Variants in VDAC2 observed in about 807,000 individuals in gnomAD.
VDAC2 encodes the protein voltage dependent anion channel 2.
Under a neutral mutation model 36.6 loss-of-function variants are expected in VDAC2, and 6 were observed. The observed-to-expected ratio is 0.16, with a 90% CI of 0.09 to 0.32. VDAC2 has a LOEUF of 0.32. VDAC2 is among the 10% of genes least tolerant of loss of function. VDAC2 has a pLI of 1.00. For synonymous variants in VDAC2, 109 were observed against 123.8 expected, an observed-to-expected ratio of 0.88 and a Z score of 0.79; for missense variants, 247 against 346.0, an observed-to-expected ratio of 0.71 and a Z score of 2.27.
intron 4 of VDAC2, among the ~76,000 whole-genome samples, chr10:75,214,556 A>C: frequency 6.6e-6 from 1 of 151,686 alleles, no homozygotes; most frequent in East Asian, 1.9e-4. Context: ...ACGGAGTCTC[A>C]CTGTGTCACT....
In VDAC2 at chr10:75,220,791, C is replaced by T. The variant is rs199505540; in HGVS notation, c.405C>T (p.Asn135=). The change falls in exon 7 of 10, where the codon AAC becomes AAT. Residue 135 remains asparagine, a synonymous_variant. Transcript: ENST00000332211. The stretch of plus-strand genomic sequence containing the variant: ...CTTCTTACAAGAGGGAGTGTATAAA[C>T]CTTGGTTGTGATGTTGACTTTGATT... ...IKSSYKRECI[N]LGCDVDFDFA... 109 of 1,612,796 alleles carry T rather than the reference C, an allele frequency of 6.8e-5. No individual in the cohort carries two copies. In the East Asian group the frequency reaches 8.9e-4, roughly 13 times the overall value.
At chr10:75,215,817 G>A (rs755128439) in intron 4 of VDAC2, among the ~76,000 whole-genome samples, 2 of 152,002 alleles carry the variant, frequency 1.3e-5, no homozygotes, top group Non-Finnish European at 1.5e-5. Context: ...CACCTCCCAG[G>A]TTCAAGTGAT....
At position 75,224,747 on chromosome 10, in the gene VDAC2, C is replaced by G. The variant is rs377467283; in HGVS notation, c.735+2345C>G. Among the ~76,000 whole-genome samples, 42 of 152,300 alleles carry G rather than the reference C, an allele frequency of 2.8e-4. 1 individual carries two copies. The South Asian group carries it at 8.3e-3, about 30-fold the overall frequency. Reference sequence around the variant, plus strand: ...TTCATTTGGTTTAAGCCTTGGCCACCAGCCTCAAAGCCACCTTGCAAGGGT... The same window carrying G: ...TTCATTTGGTTTAAGCCTTGGCCACGAGCCTCAAAGCCACCTTGCAAGGGT... On this transcript the variant is annotated intron_variant, in intron 8 of 9. Transcript: ENST00000332211.
At chr10:75,226,572 C>T (rs530958334) in intron 8 of VDAC2, among the ~76,000 whole-genome samples, 14 of 150,524 alleles carry the variant, frequency 9.3e-5, no homozygotes, top group African/African-American at 2.4e-4. Flanking sequence ...AAGCAGTTCT[C>T]GTGCCTCAGC....
At chr10:75,217,796 AGC>A in intron 4 of VDAC2, 1 of 712,420 alleles carries the variant, frequency 1.4e-6, no homozygotes, top group South Asian at 1.8e-5. Flanking sequence ...CTAACAGCAG[AGC>A]AATAGTTATA....
chr10:75,220,657 G>A (rs1841784453), intron 6 of VDAC2, 86 bp from the exon 7 acceptor site: 9 of 1,131,596 alleles, frequency 8.0e-6, no homozygotes, highest in Non-Finnish European at 1.1e-5. Context: ...TGGTCATACT[G>A]CAGTTTATTT....
chr10:75,217,336 C>T (rs1329107064), intron 4 of VDAC2, among the ~76,000 whole-genome samples: 1 of 152,104 alleles, frequency 6.6e-6, no homozygotes. Flanking sequence ...CATCAGAACT[C>T]CTAATTTTTA....
At chr10:75,227,182 C>G (rs1841977588) in intron 8 of VDAC2, among the ~76,000 whole-genome samples, 1 of 152,130 alleles carries the variant, frequency 6.6e-6, no homozygotes, top group Non-Finnish European at 1.5e-5. Flanking sequence ...TTTAAAATAT[C>G]CTATATAACT....
intron 8 of VDAC2, among the ~76,000 whole-genome samples, chr10:75,223,563 C>T (rs1340089725): frequency 6.6e-6 from 1 of 152,182 alleles, no homozygotes; most frequent in African/African-American, 2.4e-5. Context: ...TACCCAGAAG[C>T]ATTGCTTAAT....
chr10:75,226,448 T>TG (rs201200608), intron 8 of VDAC2, among the ~76,000 whole-genome samples: 119 of 131,584 alleles, frequency 9.0e-4, no homozygotes, highest in Admixed American at 1.6e-3. Context: ...CAGTCTTTTG[T>TG]GGGTTTTTTT....
intron 1 of VDAC2, 21 bp from the exon 2 acceptor site, chr10:75,211,113 C>A: frequency 6.3e-7 from 1 of 1,597,366 alleles, no homozygotes. Context: ...CAGCTTACCG[C>A]ACTTCTTGTC....
rs1490761113 is a variant in VDAC2 at position 75,229,719 on chromosome 10, AG to A, written c.793+19del. On this transcript the variant is annotated intron_variant, in intron 9 of 9. Coordinates refer to ENST00000332211, the MANE Select transcript of VDAC2 (RefSeq NM_001391963.1). ...GAGGCCTGGTAAGTATTCTTGATAA[AG>A]TAGGATTGTTTTGATAGTATTAAAA... 1.0e-5 allele frequency: 16 copies of A among 1,582,872 alleles called. No individual in the cohort carries two copies. Among genetic ancestry groups the A allele is most frequent in the Non-Finnish European group, 1.4e-5 (16 of 1,168,026 alleles).
chr10:75,220,618 C>T (rs1841783706), intron 6 of VDAC2, 125 bp from the exon 7 acceptor site: 3 of 769,378 alleles, frequency 3.9e-6, no homozygotes, highest in Non-Finnish European at 6.3e-6. Flanking sequence ...TTTTTACTCC[C>T]TGTTATTGTA....
At chr10:75,212,118 C>G (rs954101126) in intron 2 of VDAC2, 112 bp from the exon 3 acceptor site, 10 of 948,044 alleles carry the variant, frequency 1.1e-5, no homozygotes, top group Admixed American at 2.5e-5. Context: ...AAAAAACATT[C>G]CAACAAATGG....
rs142991938 is a variant in VDAC2, at chr10:75,220,901, A to G, written c.515A>G (p.Lys172Arg). ...AGYQMTFDSA[K>R]SKLTRNNFAV... is the part of the protein sequence containing the mutation. ...TACCAGATGACCTTTGACAGTGCCA[A>G]ATCAAAGCTGACAAGGAATAACTTT... The change falls in exon 7 of 10, where the codon AAA (lysine) becomes AGA (arginine). Residue 172 changes from lysine to arginine, a missense_variant. By Grantham distance (26) the Lys-to-Arg change is conservative (BLOSUM62 2). Coordinates refer to ENST00000332211, the MANE Select transcript of VDAC2 (RefSeq NM_001391963.1). The G allele has an allele frequency of 1.2e-6, 2 of 1,613,888 alleles. No homozygotes were observed. Among genetic ancestry groups the G allele is most frequent in the Admixed American group, 1.7e-5 (1 of 60,012 alleles).
At position 75,218,933 on chromosome 10, in the gene VDAC2, TA is replaced by T. The variant is rs1315179064; in HGVS notation, c.151-129del. 4.5e-6 allele frequency: 4 copies of T among 896,474 alleles called. No individual in the cohort carries two copies. In the African/African-American group the frequency reaches 9.7e-5, roughly 22 times the overall value. The allele number at this position is 896,474 out of a possible 1,614,324, so 55.5% of individuals were successfully genotyped here. On this transcript the variant is annotated intron_variant, in intron 4 of 9. Coordinates refer to ENST00000332211, the MANE Select transcript of VDAC2 (RefSeq NM_001391963.1). ...CACAGTGCAGAAGGATACGAGTGTT[TA>T]GGAAGCTAGAAAAAGGATTCATGAA...
intron 8 of VDAC2, among the ~76,000 whole-genome samples, chr10:75,228,126 C>A (rs1222697294): frequency 6.6e-6 from 1 of 151,906 alleles, no homozygotes; most frequent in Non-Finnish European, 1.5e-5. Flanking sequence ...GATTTCCTGA[C>A]CTTGTGGTCC....
At chr10:75,212,526 C>T (rs1442516991) in intron 3 of VDAC2, among the ~76,000 whole-genome samples, 1 of 152,152 alleles carries the variant, frequency 6.6e-6, no homozygotes, top group Non-Finnish European at 1.5e-5. Context: ...ATCATCTTTC[C>T]TCAGCCTCCC....
At chr10:75,210,503 A>G (rs1841368191), upstream of VDAC2, 1 of 152,324 alleles carries the variant, frequency 6.6e-6, no homozygotes. Flanking sequence ...CCCGTCCGTG[A>G]CGCGTTCGCG....
Sources: gnomAD v4.1 joint callset for allele counts (sites outside exome capture counted in the v4.1 genomes callset) on GRCh38, gnomAD v4.1.1 for gene constraint, MANE v1.5 for transcripts, NCBI Gene and HGNC (gene_info 2026-07-23, HGNC 2026-07-21) for gene names.